ANKS1B: variants seen among roughly 807,000 people sequenced by gnomAD.
ANKS1B encodes ankyrin repeat and sterile alpha motif domain containing 1B, also known as ankyrin repeat and sterile alpha motif domain-containing protein 1B.
Under a neutral mutation model 148.3 loss-of-function variants are expected in ANKS1B, and 36 were observed. The observed-to-expected ratio is 0.24, with a 90% CI of 0.19 to 0.32. The LOEUF (loss-of-function observed/expected upper bound fraction) is 0.32. Ranked by LOEUF, ANKS1B falls within the 10% of genes least tolerant of loss-of-function variation. ANKS1B has a pLI of 1.00. For missense variants in ANKS1B, 1,157 were observed against 1,542.6 expected (o/e 0.75, Z 4.19); for synonymous variants, 542 against 560.8 (o/e 0.97, Z 0.47).
At chr12:99,910,740 T>C (rs1415635922) in intron 1 of ANKS1B, among the ~76,000 whole-genome samples, 1 of 152,116 alleles carries the variant, frequency 6.6e-6, no homozygotes, top group African/African-American at 2.4e-5. Flanking sequence ...AAAACATGTA[T>C]CTAACGCAAC....
chr12:99,688,613 G>A (rs2098662483), intron 8 of ANKS1B, among the ~76,000 whole-genome samples: 1 of 152,156 alleles, frequency 6.6e-6, no homozygotes, highest in African/African-American at 2.4e-5. Flanking sequence ...GAAGTGGGAA[G>A]ATCACTTGAG....
intron 12 of ANKS1B, among the ~76,000 whole-genome samples, chr12:99,316,557 T>C (rs2154028810): frequency 6.6e-6 from 1 of 152,344 alleles, no homozygotes; most frequent in East Asian, 1.9e-4. Context: ...TCTTTGTAGA[T>C]TCTGGATATT....
intron 12 of ANKS1B, among the ~76,000 whole-genome samples, chr12:99,334,129 A>AATAGATAGATAGATAGATAG (rs777484418): frequency 6.6e-5 from 10 of 150,744 alleles, no homozygotes; most frequent in African/African-American, 2.2e-4. Context: ...TGCTCCTCTA[A>AATAGATAGATAGATAGATAG]ATAGATAGAT....
At chr12:99,809,447 A>C (rs997575584) in intron 3 of ANKS1B, among the ~76,000 whole-genome samples, 4 of 151,944 alleles carry the variant, frequency 2.6e-5, no homozygotes, top group African/African-American at 9.7e-5. Context: ...AGAAATTGAA[A>C]ATTTTCAATT....
Position 98,744,389 on chromosome 12 carries a change from G to A in ANKS1B, c.*1350C>T. The A allele has an allele frequency of 1.1e-6, 1 of 888,932 alleles. No homozygotes were observed. Among genetic ancestry groups the A allele is most frequent in the Non-Finnish European group, 1.3e-6 (1 of 741,680 alleles). The allele number at this position is 888,932 out of a possible 1,614,324, so 55.1% of individuals were successfully genotyped here. ...ATGTCAGTTAATAAAAAAACATTAA[G>A]ACAATTCCACAATTTATCAATATCG... On this transcript the variant is annotated 3_prime_UTR_variant, in exon 27 of 27. Coordinates refer to ENST00000683438, the MANE Select transcript of ANKS1B (RefSeq NM_001352186.2).
chr12:99,764,554 C>G (rs1169267457), intron 8 of ANKS1B, among the ~76,000 whole-genome samples: 1 of 152,122 alleles, frequency 6.6e-6, no homozygotes, highest in Non-Finnish European at 1.5e-5. Flanking sequence ...TCCTGAGTAG[C>G]TGGGATGACA....
intron 17 of ANKS1B, among the ~76,000 whole-genome samples, chr12:98,837,628 T>A (rs2099382387): frequency 6.6e-6 from 1 of 152,204 alleles, no homozygotes; most frequent in Non-Finnish European, 1.5e-5. Context: ...CTGCTGTTTA[T>A]GTTTCTGGGT....
intron 8 of ANKS1B, among the ~76,000 whole-genome samples, chr12:99,701,234 T>C (rs2054763497): frequency 6.6e-6 from 1 of 152,164 alleles, no homozygotes; most frequent in African/African-American, 2.4e-5. Context: ...GTTTGCACTT[T>C]GGGGTTGCAA....
chr12:99,274,026 C>G (rs768043708), intron 12 of ANKS1B, among the ~76,000 whole-genome samples: 1 of 152,060 alleles, frequency 6.6e-6, no homozygotes, highest in South Asian at 2.1e-4. Context: ...TTCTCAGAAC[C>G]CTTATTTTTT....
Position 99,194,784 on chromosome 12 carries a change from A to G in ANKS1B, c.2420-40389T>C, listed in dbSNP as rs1193436442. On this transcript the variant is annotated intron_variant, in intron 14 of 26. Transcript: ENST00000683438. ...TAAAGTTGTTATTTTTACATGCAAT[A>G]TATTAACAGATGAGATGATATTTCT... Among the ~76,000 whole-genome samples the G allele has an allele frequency of 2.6e-5, 4 of 152,140 alleles. No homozygotes were observed. In the East Asian group the frequency reaches 7.7e-4, roughly 29 times the overall value.
chr12:99,297,588 C>A (rs927790979), intron 12 of ANKS1B, among the ~76,000 whole-genome samples: 1 of 152,162 alleles, frequency 6.6e-6, no homozygotes, highest in Non-Finnish European at 1.5e-5. Context: ...TTTACAATTT[C>A]AATTGCTTGA....
chr12:99,662,259 C>G (rs2098481389), intron 8 of ANKS1B, among the ~76,000 whole-genome samples: 1 of 152,138 alleles, frequency 6.6e-6, no homozygotes, highest in Non-Finnish European at 1.5e-5. Flanking sequence ...CTTCTTGATG[C>G]TCTCATCAAG....
intron 15 of ANKS1B, among the ~76,000 whole-genome samples, chr12:99,122,692 C>T (rs892532524): frequency 3.9e-5 from 6 of 152,156 alleles, no homozygotes; most frequent in Admixed American, 6.5e-5. Flanking sequence ...ACTTGCCTGG[C>T]TTTCAGAGTT....
intron 14 of ANKS1B, among the ~76,000 whole-genome samples, chr12:99,217,018 G>A (rs7972843): frequency 0.76 from 115,545 of 152,042 alleles, 44,029 homozygotes; most frequent in East Asian, 0.88. Flanking sequence ...GATGGAAGCT[G>A]TGTGTTAAAG....
chr12:99,611,270 T>G (rs2097900057), intron 9 of ANKS1B, among the ~76,000 whole-genome samples: 1 of 152,094 alleles, frequency 6.6e-6, no homozygotes, highest in African/African-American at 2.4e-5. Context: ...AGCTATCTAG[T>G]TCAGATACTC....
chr12:99,744,368 T>G (rs1409390236), intron 8 of ANKS1B, among the ~76,000 whole-genome samples: 1 of 152,214 alleles, frequency 6.6e-6, no homozygotes, highest in Non-Finnish European at 1.5e-5. Flanking sequence ...AAGTTTCTTA[T>G]TTAAAGTACA....
chr12:99,267,195 G>A (rs1277867442), intron 12 of ANKS1B, among the ~76,000 whole-genome samples: 1 of 152,168 alleles, frequency 6.6e-6, no homozygotes, highest in Non-Finnish European at 1.5e-5. Flanking sequence ...AGTTTGACAG[G>A]AACAATTCAG....
In ANKS1B at chr12:99,618,963, G is replaced by A. The variant is rs181325955; in HGVS notation, c.1272+36104C>T. On this transcript the variant is annotated intron_variant, in intron 9 of 26. Transcript: ENST00000683438. ...CGGCACTGGAATTGTACTCTACCCT[G>A]TCACAACCCTGTGGTAGAAGGAGAG... 1.1e-4 allele frequency among the ~76,000 whole-genome samples: 17 copies of A among 152,200 alleles called. No homozygotes were observed. In the East Asian group the frequency reaches 2.7e-3, roughly 24 times the overall value.
At chr12:99,744,125 G>A (rs1442169974) in intron 8 of ANKS1B, among the ~76,000 whole-genome samples, 1 of 152,148 alleles carries the variant, frequency 6.6e-6, no homozygotes, top group African/African-American at 2.4e-5. Context: ...GATACTGAAA[G>A]ATGACTATAT....
Sources: gnomAD v4.1 joint callset for allele counts (sites outside exome capture counted in the v4.1 genomes callset) on GRCh38, gnomAD v4.1.1 for gene constraint, MANE v1.5 for transcripts, NCBI Gene and HGNC (gene_info 2026-07-23, HGNC 2026-07-21) for gene names.